PPP3CA: variants seen among roughly 807,000 people sequenced by gnomAD.
PPP3CA encodes the protein protein phosphatase 3 catalytic subunit alpha, also known as CAM-PRP catalytic subunit.
A neutral mutation model predicts 66.5 loss-of-function variants in PPP3CA; 14 were observed. The observed-to-expected ratio is 0.21, with a 90% CI of 0.14 to 0.33. The LOEUF is 0.33. Among genes scored for constraint, PPP3CA ranks in the 10% least tolerant of loss-of-function variants. The pLI, the probability that PPP3CA is intolerant of heterozygous loss-of-function variation, is 1.00. For missense variants in PPP3CA, 317 were observed against 639.5 expected (o/e 0.50, Z 5.44); for synonymous variants, 232 against 226.2 (o/e 1.03, Z -0.23).
chr4:101,072,935 CA>C (rs71596318), intron 8 of PPP3CA, among the ~76,000 whole-genome samples: 2,081 of 59,248 alleles, frequency 0.035, 26 homozygotes, highest in African/African-American at 0.098. Context: ...GACTCCTTCT[CA>C]AAAAAAAAAA....
In PPP3CA at chr4:101,206,752, C is replaced by A. The variant is rs145471775; in HGVS notation, c.59-10636G>T. On this transcript the variant is annotated intron_variant, in intron 1 of 13. Transcript: ENST00000394854. ...AGGATTGTCTTTTCCCCATCTCACT[C>A]ACAATTTATTTAATACTTCTGTGGT... Among the ~76,000 whole-genome samples the A allele has an allele frequency of 1.9e-3, 290 of 152,318 alleles. 1 individual carries two copies. Among genetic ancestry groups the A allele is most frequent in the African/African-American group, 6.5e-3 (271 of 41,550 alleles).
chr4:101,200,131 T>G (rs530003120), intron 1 of PPP3CA, among the ~76,000 whole-genome samples: 1 of 152,268 alleles, frequency 6.6e-6, no homozygotes, highest in East Asian at 1.9e-4. Context: ...ATCTAGGATT[T>G]CTGCTTCTCA....
At chr4:101,214,282 C>T (rs574330349) in intron 1 of PPP3CA, among the ~76,000 whole-genome samples, 1 of 125,906 alleles carries the variant, frequency 7.9e-6, no homozygotes, top group South Asian at 2.1e-4. Flanking sequence ...TCCTACTATG[C>T]CTGAGTGTCC....
intron 2 of PPP3CA, among the ~76,000 whole-genome samples, chr4:101,193,695 T>C (rs559702595): frequency 6.6e-6 from 1 of 152,134 alleles, no homozygotes; most frequent in Admixed American, 6.6e-5. Context: ...AAATAAAACA[T>C]AATGAATTTT....
chr4:101,088,324 G>T (rs1729761565), intron 6 of PPP3CA, among the ~76,000 whole-genome samples: 1 of 152,180 alleles, frequency 6.6e-6, no homozygotes, highest in East Asian at 1.9e-4. Context: ...GTTGGCTCAC[G>T]CCTGTAATCC....
chr4:101,208,374 G>A (rs1273671707), intron 1 of PPP3CA, among the ~76,000 whole-genome samples: 3 of 152,102 alleles, frequency 2.0e-5, no homozygotes, highest in Admixed American at 6.6e-5. Context: ...CAACCACAGC[G>A]CAGTTCCACA....
At chr4:101,139,936 T>TC (rs929857724) in intron 2 of PPP3CA, among the ~76,000 whole-genome samples, 13 of 152,156 alleles carry the variant, frequency 8.5e-5, no homozygotes, top group African/African-American at 3.1e-4. Flanking sequence ...CTTTTTTTTT[T>TC]CCGGGTATTT....
At chr4:101,100,012 G>C (rs1263973175) in intron 3 of PPP3CA, among the ~76,000 whole-genome samples, 1 of 151,922 alleles carries the variant, frequency 6.6e-6, no homozygotes, top group Non-Finnish European at 1.5e-5. Flanking sequence ...GTGACCTGAG[G>C]AGAGTGGGAG....
intron 13 of PPP3CA, 144 bp downstream of exon 13, chr4:101,029,022 A>G: frequency 1.5e-6 from 1 of 652,874 alleles, no homozygotes; most frequent in Non-Finnish European, 2.6e-6. Context: ...TCCCCTTTAA[A>G]GCAAGAACAT....
At chr4:101,077,534 G>A (rs545575652) in intron 8 of PPP3CA, among the ~76,000 whole-genome samples, 2 of 152,220 alleles carry the variant, frequency 1.3e-5, no homozygotes, top group South Asian at 4.1e-4. Context: ...CTTTAGCAGT[G>A]AATAATTGAC....
At chr4:101,229,169 A>C (rs1402630287) in intron 1 of PPP3CA, among the ~76,000 whole-genome samples, 3 of 151,646 alleles carry the variant, frequency 2.0e-5, no homozygotes, top group East Asian at 3.9e-4. Flanking sequence ...CAATCGAAAA[A>C]GAATTCAATA....
At chr4:101,284,357 T>G (rs1461594058) in intron 1 of PPP3CA, among the ~76,000 whole-genome samples, 1 of 151,340 alleles carries the variant, frequency 6.6e-6, no homozygotes, top group African/African-American at 2.5e-5. Context: ...GGTCACAGAA[T>G]CATGGAATTT....
At position 101,255,950 on chromosome 4, in the gene PPP3CA, C is replaced by T. The variant is rs186629747; in HGVS notation, c.59-59834G>A. On this transcript the variant is annotated intron_variant, in intron 1 of 13. Coordinates refer to ENST00000394854, the MANE Select transcript of PPP3CA (RefSeq NM_000944.5). ...CTCTTCCTCCTCCATTTTTTAAATACGATAATGAATAATTTTAAATCATTT... is the reference window on the plus strand; with the variant it reads ...CTCTTCCTCCTCCATTTTTTAAATATGATAATGAATAATTTTAAATCATTT... Among the ~76,000 whole-genome samples the T allele has an allele frequency of 1.0e-3, 157 of 151,856 alleles. 1 individual carries two copies. The highest frequency in any genetic ancestry group is 3.0e-3 in the African/African-American group (125 of 41,456).
rs148768789 is a variant in PPP3CA, at chr4:101,225,438, T to C, written c.59-29322A>G. 8.6e-5 allele frequency among the ~76,000 whole-genome samples: 13 copies of C among 151,906 alleles called. No individual in the cohort carries two copies. In the East Asian group the frequency reaches 2.3e-3, roughly 27 times the overall value. On this transcript the variant is annotated intron_variant, in intron 1 of 13. Transcript: ENST00000394854. Reference sequence around the variant, plus strand: ...GTCTCGTGATCTGGAACAACAGTAATAAATAGTTCTTTACAAGCCTTGGTT... The same window carrying C: ...GTCTCGTGATCTGGAACAACAGTAACAAATAGTTCTTTACAAGCCTTGGTT...
intron 2 of PPP3CA, among the ~76,000 whole-genome samples, chr4:101,132,474 C>A (rs1722477153): frequency 6.6e-6 from 1 of 152,198 alleles, no homozygotes; most frequent in African/African-American, 2.4e-5. Flanking sequence ...ATTAACACCT[C>A]TACATGAATA....
intron 2 of PPP3CA, among the ~76,000 whole-genome samples, chr4:101,128,412 G>T (rs891309304): frequency 6.6e-6 from 1 of 151,960 alleles, no homozygotes; most frequent in Non-Finnish European, 1.5e-5. Flanking sequence ...ATTATCATTT[G>T]TCAATTAAAA....
chr4:101,203,001 T>G (rs1578550617), intron 1 of PPP3CA, among the ~76,000 whole-genome samples: 1 of 152,296 alleles, frequency 6.6e-6, no homozygotes, highest in East Asian at 1.9e-4. Context: ...TCACTGAATG[T>G]TCACATAAAA....
Position 101,132,486 on chromosome 4 carries a change from A to C in PPP3CA, c.260-23408T>G, listed in dbSNP as rs577596309. 9.1e-4 allele frequency among the ~76,000 whole-genome samples: 138 copies of C among 152,338 alleles called. 2 individuals are homozygous for C. The highest frequency in any genetic ancestry group is 3.1e-3 in the African/African-American group (127 of 41,580). The stretch of plus-strand genomic sequence containing the variant: ...ACTATTAACACCTCTACATGAATAA[A>C]CTAGAAAATCTAGAAGAAATGGATA... On this transcript the variant is annotated intron_variant, in intron 2 of 13. Coordinates refer to ENST00000394854, the MANE Select transcript of PPP3CA (RefSeq NM_000944.5).
At position 101,025,127 on chromosome 4, in the gene PPP3CA, G is replaced by GT. The variant is rs1249621526; in HGVS notation, c.*737dup. 6.6e-6 allele frequency: 1 copy of GT among 152,190 alleles called. No individual in the cohort carries two copies. Among genetic ancestry groups the GT allele is most frequent in the Non-Finnish European group, 1.5e-5 (1 of 67,960 alleles). The allele number at this position is 152,190 out of a possible 1,614,324, so 9.4% of individuals were successfully genotyped here. On this transcript the variant is annotated 3_prime_UTR_variant, in exon 14 of 14. Transcript: ENST00000394854. ...AAAAAAGATAGATATAATTATTCCA[G>GT]TTTTTTTAAAACTTAAAAGATATTC...
Sources: gnomAD v4.1 joint callset for allele counts (sites outside exome capture counted in the v4.1 genomes callset) on GRCh38, gnomAD v4.1.1 for gene constraint, MANE v1.5 for transcripts, NCBI Gene and HGNC (gene_info 2026-07-23, HGNC 2026-07-21) for gene names.